CDRT4: variants seen among roughly 807,000 people sequenced by gnomAD.
CDRT4 encodes CMT1A duplicated region transcript 4 protein.
For missense variants in CDRT4, 167 were observed against 193.1 expected (o/e 0.87, Z 0.80); for synonymous variants, 64 against 69.6 (o/e 0.92, Z 0.40).
intron 1 of CDRT4, among the ~76,000 whole-genome samples, chr17:15,459,238 G>C (rs926797081): frequency 6.6e-6 from 1 of 151,944 alleles, no homozygotes; most frequent in Non-Finnish European, 1.5e-5. Context: ...CTCCACTCAT[G>C]AACAACAAGA....
At chr17:15,462,238 C>T (rs1399441463) in intron 1 of CDRT4, among the ~76,000 whole-genome samples, 1 of 151,954 alleles carries the variant, frequency 6.6e-6, no homozygotes, top group Non-Finnish European at 1.5e-5. Flanking sequence ...ACCATCCTGA[C>T]TAACACGGTG....
intron 2 of CDRT4, among the ~76,000 whole-genome samples, chr17:15,442,796 C>A (rs1400026302): frequency 6.6e-6 from 1 of 152,168 alleles, no homozygotes; most frequent in Non-Finnish European, 1.5e-5. Context: ...GAGACTGCCT[C>A]AAAACTCATG....
At chr17:15,448,421 T>C (rs1345805900) in intron 2 of CDRT4, among the ~76,000 whole-genome samples, 1 of 152,170 alleles carries the variant, frequency 6.6e-6, no homozygotes, top group Non-Finnish European at 1.5e-5. Flanking sequence ...CATTGAGAAA[T>C]TGCCAGAAAG....
intron 1 of CDRT4, among the ~76,000 whole-genome samples, chr17:15,458,400 C>T (rs561749517): frequency 7.9e-5 from 12 of 152,248 alleles, no homozygotes; most frequent in African/African-American, 2.9e-4. Context: ...AGATTTCTCA[C>T]AGTCAGAGTG....
At position 15,436,053 on chromosome 17, in the gene CDRT4, G is replaced by A. The variant is rs1978455576; in HGVS notation, c.*1720C>T. ...GGAGGAATTTATTGCCTGCCTCCATGTCTATAAACGTTCCATGGACACAAA... is the reference window on the plus strand; with the variant it reads ...GGAGGAATTTATTGCCTGCCTCCATATCTATAAACGTTCCATGGACACAAA... On this transcript the variant is annotated 3_prime_UTR_variant, in exon 4 of 4. Transcript: ENST00000619038. The A allele has an allele frequency of 6.6e-6, 1 of 152,142 alleles. No homozygotes were observed. Among genetic ancestry groups the A allele is most frequent in the Non-Finnish European group, 1.5e-5 (1 of 68,036 alleles). The allele number at this position is 152,142 out of a possible 1,614,324, so 9.4% of individuals were successfully genotyped here.
At chr17:15,456,830 G>A (rs981702283) in intron 1 of CDRT4, among the ~76,000 whole-genome samples, 10 of 152,148 alleles carry the variant, frequency 6.6e-5, no homozygotes, top group Non-Finnish European at 1.5e-4. Context: ...CAAGAACGCA[G>A]AAACTATTGT....
At chr17:15,466,879 A>G (rs1980064399) in intron 1 of CDRT4, among the ~76,000 whole-genome samples, 1 of 152,134 alleles carries the variant, frequency 6.6e-6, no homozygotes, top group Non-Finnish European at 1.5e-5. Context: ...AAGTGACTTG[A>G]TTATTATTGT....
At chr17:15,449,095 A>G (rs192075436) in intron 2 of CDRT4, among the ~76,000 whole-genome samples, 6 of 152,340 alleles carry the variant, frequency 3.9e-5, no homozygotes, top group Admixed American at 2.0e-4. Context: ...AAGCCTTAAT[A>G]CCAGTTCAAT....
At chr17:15,462,056 G>A (rs982941971) in intron 1 of CDRT4, among the ~76,000 whole-genome samples, 1 of 152,122 alleles carries the variant, frequency 6.6e-6, no homozygotes, top group Non-Finnish European at 1.5e-5. Flanking sequence ...TAAAAGCCAG[G>A]TGAGCACAGC....
At chr17:15,442,148 T>A (rs1013185058) in intron 2 of CDRT4, among the ~76,000 whole-genome samples, 1 of 152,196 alleles carries the variant, frequency 6.6e-6, no homozygotes, top group East Asian at 1.9e-4. Flanking sequence ...CGGTAGCTCA[T>A]GCCTGTAATC....
chr17:15,448,657 G>A (rs998522641), intron 2 of CDRT4, among the ~76,000 whole-genome samples: 5 of 152,134 alleles, frequency 3.3e-5, no homozygotes, highest in Non-Finnish European at 4.4e-5. Flanking sequence ...AGGTTGTTCC[G>A]GAGCCTGGAG....
intron 2 of CDRT4, among the ~76,000 whole-genome samples, chr17:15,451,424 A>C (rs1431390379): frequency 6.6e-6 from 1 of 152,082 alleles, no homozygotes; most frequent in African/African-American, 2.4e-5. Flanking sequence ...ACCCAGAGTG[A>C]TTATTTTTAA....
In CDRT4 at chr17:15,438,189, T is replaced by C. The variant is rs1215499110; in HGVS notation, c.43A>G (p.Asn15Asp). Residue 15 changes from asparagine to aspartate, a missense_variant, in exon 4 of 4, where the codon AAC becomes GAC. Coordinates refer to ENST00000619038, the MANE Select transcript of CDRT4 (RefSeq NM_001204477.2). The stretch of plus-strand genomic sequence containing the variant: ...AGTAGCTTCCGGGGAAGTCCAGTGT[T>C]TTCTGTGAGTCCTACCAACAAAGAG... ...RMKKEEGLTE[N>D]TGLPRKLLEK... 1.9e-6 allele frequency: 3 copies of C among 1,613,112 alleles called. No homozygotes were observed. The highest frequency in any genetic ancestry group is 2.7e-5 in the African/African-American group (2 of 74,810).
At chr17:15,439,221 G>A in intron 3 of CDRT4, 2 of 453,442 alleles carry the variant, frequency 4.4e-6, no homozygotes, top group South Asian at 3.1e-5. Flanking sequence ...CTGGAGTTTT[G>A]CAGGGAGGAG....
At chr17:15,445,384 C>A (rs902593875) in intron 2 of CDRT4, among the ~76,000 whole-genome samples, 2 of 152,070 alleles carry the variant, frequency 1.3e-5, no homozygotes, top group African/African-American at 4.8e-5. Context: ...AAAAAAATGC[C>A]ATGTTAAAAA....
intron 2 of CDRT4, among the ~76,000 whole-genome samples, chr17:15,441,460 T>C (rs1171250167): frequency 1.3e-5 from 2 of 152,256 alleles, no homozygotes; most frequent in African/African-American, 2.4e-5. Context: ...GTAGCCCTGG[T>C]TTAGACTGAG....
At chr17:15,451,466 A>G (rs1979258967) in intron 2 of CDRT4, among the ~76,000 whole-genome samples, 1 of 136,874 alleles carries the variant, frequency 7.3e-6, no homozygotes, top group Non-Finnish European at 1.5e-5. Flanking sequence ...CCCCTGCCTA[A>G]CATTCCCCCC....
At chr17:15,444,064 T>C (rs1015894549) in intron 2 of CDRT4, 12 of 988,948 alleles carry the variant, frequency 1.2e-5, no homozygotes, top group African/African-American at 1.1e-4. Flanking sequence ...GGAAACAACA[T>C]TGAGCTTGTT....
At chr17:15,451,755 C>A (rs952622230) in intron 2 of CDRT4, among the ~76,000 whole-genome samples, 1 of 152,234 alleles carries the variant, frequency 6.6e-6, no homozygotes, top group Non-Finnish European at 1.5e-5. Flanking sequence ...AACTCCTCAG[C>A]CTTCCCTGAC....
Sources: allele counts gnomAD v4.1 joint callset (sites outside exome capture counted in the v4.1 genomes callset), GRCh38; gene constraint gnomAD v4.1.1; transcripts MANE v1.5; gene names NCBI Gene and HGNC (gene_info 2026-07-23, HGNC 2026-07-21).